The following DHTKD1 variants were observed in gnomAD, a reference collection of about 807,000 sequenced individuals.
DHTKD1 encodes the protein dehydrogenase E1 and transketolase domain containing 1.
DHTKD1 carries 78 observed loss-of-function variants against 101.8 expected under a neutral mutation model. That is an observed-to-expected ratio of 0.77 (90% CI 0.64 to 0.93). DHTKD1 has a LOEUF of 0.93. Among genes scored for constraint, DHTKD1 ranks in the 40% least tolerant of loss-of-function variants. The pLI is 0.00. For missense variants in DHTKD1, 1,223 were observed against 1,161.7 expected (o/e 1.05, Z -0.77); for synonymous variants, 462 against 450.3 (o/e 1.03, Z -0.33).
At chr10:12,079,593 G>A (rs1185220987) in intron 1 of DHTKD1, among the ~76,000 whole-genome samples, 1 of 152,008 alleles carries the variant, frequency 6.6e-6, no homozygotes, top group African/African-American at 2.4e-5. Context: ...ACTTGAACCC[G>A]GGAGGCAGAG....
chr10:12,097,342 G>C (rs1011368721), intron 7 of DHTKD1, among the ~76,000 whole-genome samples: 1 of 151,772 alleles, frequency 6.6e-6, no homozygotes, highest in Non-Finnish European at 1.5e-5. Context: ...GTGCCATCTC[G>C]GCTCACTGCA....
rs758979007 is a variant in DHTKD1 at position 12,101,188 on chromosome 10, T to A, written c.1896+7T>A. The A allele has an allele frequency of 6.2e-7, 1 of 1,610,838 alleles. No individual in the cohort carries two copies. The highest frequency in any genetic ancestry group is 1.3e-5 in the African/African-American group (1 of 74,800). On this transcript the variant is annotated splice_region_variant and intron_variant, in intron 10 of 16. Transcript: ENST00000263035. ...TCAGAAGGGGTTTCTAGAGGTGAGA[T>A]GTTTCTATAGCTGTTGTAAAATCCA...
intron 15 of DHTKD1, among the ~76,000 whole-genome samples, chr10:12,119,603 G>A (rs547213515): frequency 8.1e-5 from 11 of 136,124 alleles, no homozygotes; most frequent in South Asian, 2.3e-4. Flanking sequence ...GCGACAGAGC[G>A]AGACTCCGTC....
At chr10:12,083,914 C>A (rs1216498170) in intron 2 of DHTKD1, among the ~76,000 whole-genome samples, 2 of 151,818 alleles carry the variant, frequency 1.3e-5, no homozygotes, top group African/African-American at 4.8e-5. Flanking sequence ...AATAATAACC[C>A]AAGTTATTTA....
At chr10:12,105,868 G>C (rs921412541) in intron 10 of DHTKD1, among the ~76,000 whole-genome samples, 2 of 152,148 alleles carry the variant, frequency 1.3e-5, no homozygotes, top group African/African-American at 4.8e-5. Context: ...GCCAAGGTGG[G>C]TGGATCACCT....
At chr10:12,120,639 T>G (rs964757922) in intron 16 of DHTKD1, 148 bp from the exon 17 acceptor site, 3 of 712,162 alleles carry the variant, frequency 4.2e-6, no homozygotes, top group African/African-American at 3.5e-5. Flanking sequence ...GCCCTGTCCC[T>G]CTAATCTCTT....
chr10:12,076,335 A>G (rs12781532), intron 1 of DHTKD1, among the ~76,000 whole-genome samples: 4 of 152,142 alleles, frequency 2.6e-5, no homozygotes, highest in Non-Finnish European at 5.9e-5. Flanking sequence ...AATTAGCTGG[A>G]TGTGGTGGCA....
intron 1 of DHTKD1, among the ~76,000 whole-genome samples, chr10:12,080,580 G>A (rs983777942): frequency 3.3e-5 from 5 of 151,564 alleles, no homozygotes; most frequent in Admixed American, 1.3e-4. Flanking sequence ...GCGTGGTGGC[G>A]GGAACCTGTA....
chr10:12,101,237 G>A, intron 10 of DHTKD1, 56 bp downstream of exon 10: 2 of 1,564,644 alleles, frequency 1.3e-6, no homozygotes, highest in Non-Finnish European at 8.7e-7. Flanking sequence ...ACACTTCCAG[G>A]ATTCTTAGAA....
At chr10:12,083,941 G>A (rs1832860030) in intron 2 of DHTKD1, among the ~76,000 whole-genome samples, 1 of 151,362 alleles carries the variant, frequency 6.6e-6, no homozygotes, top group Admixed American at 6.6e-5. Context: ...TATTTATTTT[G>A]GGACAGAGCC....
intron 10 of DHTKD1, among the ~76,000 whole-genome samples, chr10:12,104,634 C>T (rs917174171): frequency 3.9e-5 from 6 of 152,236 alleles, no homozygotes; most frequent in Admixed American, 2.6e-4. Context: ...CACTCTGTCA[C>T]GCAGGCTGGA....
intron 7 of DHTKD1, among the ~76,000 whole-genome samples, chr10:12,097,288 T>C (rs906763957): frequency 6.6e-6 from 1 of 152,172 alleles, no homozygotes; most frequent in African/African-American, 2.4e-5. Context: ...TATTTGGTTT[T>C]TGAGACGGAG....
At chr10:12,082,554 G>A (rs1388134620) in intron 2 of DHTKD1, among the ~76,000 whole-genome samples, 1 of 151,788 alleles carries the variant, frequency 6.6e-6, no homozygotes. Context: ...GATCATTTTA[G>A]TGTCTCTTAG....
chr10:12,090,428 TTTCCTTCCTTCC>T (rs57839020), intron 5 of DHTKD1, among the ~76,000 whole-genome samples: 2,321 of 119,708 alleles, frequency 0.019, 72 homozygotes, highest in Middle Eastern at 0.042. Flanking sequence ...TTCCTTCCTT[TTTCCTTCCTTCC>T]TTCCTTCCTT....
At chr10:12,075,325 C>T (rs1363198134) in intron 1 of DHTKD1, among the ~76,000 whole-genome samples, 2 of 152,142 alleles carry the variant, frequency 1.3e-5, no homozygotes, top group Non-Finnish European at 2.9e-5. Context: ...GTTGCAGGTG[C>T]TTCTCGCCAT....
chr10:12,084,472 A>G, intron 2 of DHTKD1, 68 bp from the exon 3 acceptor site: 2 of 1,061,228 alleles, frequency 1.9e-6, no homozygotes, highest in Admixed American at 3.6e-5. Context: ...ACAGTATATA[A>G]TAATCTCAAC....
rs771483975 is a variant in DHTKD1 at position 12,108,026 on chromosome 10, C to T, written c.2154+11C>T. On this transcript the variant is annotated intron_variant, in intron 12 of 16. Transcript: ENST00000263035. ...GAGCGTTTCCTGCAGGTAAGGGTAA[C>T]GTCTTCCGGAGTCAATGAATCATTT... 4.6e-5 allele frequency: 74 copies of T among 1,596,584 alleles called. No homozygotes were observed. The Admixed American group carries it at 1.1e-3, about 24-fold the overall frequency.
intron 3 of DHTKD1, among the ~76,000 whole-genome samples, chr10:12,086,372 C>T (rs1832898691): frequency 6.6e-6 from 1 of 151,576 alleles, no homozygotes; most frequent in Middle Eastern, 3.2e-3. Flanking sequence ...AGGTGCATGC[C>T]ATGATGCCTG....
chr10:12,087,472 C>G lies in DHTKD1; in HGVS notation c.523-63C>G. On this transcript the variant is annotated intron_variant, in intron 3 of 16. Transcript: ENST00000263035. The surrounding 1 kb of genome is among the most constrained non-coding windows in gnomAD (Gnocchi z 5.2). ...CATCTCACAACACACACAGACTTAT[C>G]TGCCTTCCACTGGAGAAGCTGGCTG... 6.9e-7 allele frequency: 1 copy of G among 1,444,210 alleles called. No homozygotes were observed. The highest frequency in any genetic ancestry group is 9.4e-7 in the Non-Finnish European group (1 of 1,060,002). The allele number at this position is 1,444,210 out of a possible 1,614,324, so 89.5% of individuals were successfully genotyped here.
Sources: allele counts gnomAD v4.1 joint callset (sites outside exome capture counted in the v4.1 genomes callset), GRCh38; gene constraint gnomAD v4.1.1; non-coding constraint Gnocchi (gnomAD v3.1); transcripts MANE v1.5; gene names NCBI Gene and HGNC (gene_info 2026-07-23, HGNC 2026-07-21).